MAP4K4: variants seen among roughly 807,000 people sequenced by gnomAD.
MAP4K4 encodes HPK/GCK-like kinase HGK.
A neutral mutation model predicts 189.6 loss-of-function variants in MAP4K4; 38 were observed. That is an observed-to-expected ratio of 0.20 (90% CI 0.15 to 0.26). MAP4K4 has a LOEUF of 0.26. Ranked by LOEUF, MAP4K4 falls within the 10% of genes least tolerant of loss-of-function variation. MAP4K4 has a pLI of 1.00. For synonymous variants in MAP4K4, 610 were observed against 624.3 expected (o/e 0.98, Z 0.34); for missense variants, 1,054 against 1,726.9 (o/e 0.61, Z 6.91).
chr2:101,761,705 G>A (rs895547155), intron 2 of MAP4K4, among the ~76,000 whole-genome samples: 15 of 152,006 alleles, frequency 9.9e-5, no homozygotes, highest in South Asian at 4.2e-4. Flanking sequence ...ACAGGTGCAC[G>A]CCACCACACC....
At chr2:101,891,138 C>T (rs751435798) in intron 32 of MAP4K4, 28 bp from the exon 33 acceptor site, 49 of 1,579,020 alleles carry the variant, frequency 3.1e-5, no homozygotes, top group Middle Eastern at 1.7e-4. Flanking sequence ...CCATGGTAAC[C>T]ATTCCCTCTC....
At chr2:101,890,904 G>T (rs1431160787) in intron 32 of MAP4K4, among the ~76,000 whole-genome samples, 4 of 152,024 alleles carry the variant, frequency 2.6e-5, no homozygotes, top group Non-Finnish European at 4.4e-5. Context: ...GGGATTACAG[G>T]TGTGTGCCAC....
At chr2:101,800,893 A>G (rs976864834) in intron 3 of MAP4K4, among the ~76,000 whole-genome samples, 3 of 152,216 alleles carry the variant, frequency 2.0e-5, no homozygotes, top group African/African-American at 4.8e-5. Flanking sequence ...GTTAATGAGC[A>G]TTCTTCAAGC....
At chr2:101,808,876 A>G (rs1036176465) in intron 3 of MAP4K4, among the ~76,000 whole-genome samples, 1 of 151,996 alleles carries the variant, frequency 6.6e-6, no homozygotes, top group Non-Finnish European at 1.5e-5. Context: ...TAATGTACTC[A>G]TCTAGAAAAC....
intron 2 of MAP4K4, among the ~76,000 whole-genome samples, chr2:101,765,672 C>G (rs2078331630): frequency 6.6e-6 from 1 of 151,990 alleles, no homozygotes; most frequent in African/African-American, 2.4e-5. Flanking sequence ...TGAAATGATT[C>G]AATGAGGAAA....
intron 12 of MAP4K4, among the ~76,000 whole-genome samples, chr2:101,852,816 C>T (rs1308964769): frequency 6.6e-6 from 1 of 151,998 alleles, no homozygotes; most frequent in Non-Finnish European, 1.5e-5. Context: ...ATATATGCTA[C>T]CTGGGAAAAG....
chr2:101,856,248 CACAT>C, intron 13 of MAP4K4, 110 bp downstream of exon 13: 2 of 955,346 alleles, frequency 2.1e-6, no homozygotes, highest in Non-Finnish European at 3.1e-6. Flanking sequence ...CACATGTACA[CACAT>C]ACACATATAC....
intron 31 of MAP4K4, among the ~76,000 whole-genome samples, 170 bp downstream of exon 31, chr2:101,888,107 T>C (rs1274950898): frequency 6.6e-6 from 1 of 152,242 alleles, no homozygotes; most frequent in Non-Finnish European, 1.5e-5. Flanking sequence ...GAAATAGTCA[T>C]AGGTCTATTT....
chr2:101,754,227 C>G (rs2070917739), intron 2 of MAP4K4, among the ~76,000 whole-genome samples: 1 of 151,646 alleles, frequency 6.6e-6, no homozygotes, highest in South Asian at 2.1e-4. Context: ...GTTTTCATGT[C>G]TTCATAGTGC....
intron 2 of MAP4K4, among the ~76,000 whole-genome samples, chr2:101,745,838 T>C (rs1317523150): frequency 6.6e-6 from 1 of 151,236 alleles, no homozygotes; most frequent in East Asian, 1.9e-4. Flanking sequence ...GTTTGTTGCC[T>C]ACTTTTTTTT....
At chr2:101,709,198 G>T (rs1281106150) in intron 2 of MAP4K4, among the ~76,000 whole-genome samples, 1 of 151,890 alleles carries the variant, frequency 6.6e-6, no homozygotes, top group African/African-American at 2.4e-5. Flanking sequence ...AGTCATTACT[G>T]TGAGTTTATT....
chr2:101,728,888 A>G (rs953260711), intron 2 of MAP4K4, among the ~76,000 whole-genome samples: 2 of 152,212 alleles, frequency 1.3e-5, no homozygotes, highest in African/African-American at 4.8e-5. Context: ...ATCTTGTAGT[A>G]TGTGAGAGAA....
intron 2 of MAP4K4, among the ~76,000 whole-genome samples, chr2:101,701,039 A>G (rs937806748): frequency 2.6e-5 from 4 of 152,218 alleles, no homozygotes; most frequent in African/African-American, 9.6e-5. Context: ...TTTAGGATGA[A>G]TAGCATTAAA....
At chr2:101,756,464 C>T (rs1353595769) in intron 2 of MAP4K4, among the ~76,000 whole-genome samples, 1 of 152,164 alleles carries the variant, frequency 6.6e-6, no homozygotes, top group Non-Finnish European at 1.5e-5. Flanking sequence ...TATGGAAGGT[C>T]AGAGGTGCAT....
intron 3 of MAP4K4, among the ~76,000 whole-genome samples, chr2:101,808,966 A>G (rs1382400360): frequency 6.6e-6 from 1 of 152,146 alleles, no homozygotes; most frequent in Non-Finnish European, 1.5e-5. Context: ...GAGTAAAGCT[A>G]TTTCTTATGG....
intron 3 of MAP4K4, among the ~76,000 whole-genome samples, chr2:101,813,060 C>T (rs568223983): frequency 3.9e-5 from 6 of 152,144 alleles, no homozygotes; most frequent in Admixed American, 2.0e-4. Flanking sequence ...ACCCAGGAGG[C>T]GGAGCTTGCA....
chr2:101,797,226 C>G, intron 3 of MAP4K4: 1 of 1,289,260 alleles, frequency 7.8e-7, no homozygotes, highest in South Asian at 1.2e-5. Flanking sequence ...CCTGTGGGAC[C>G]TATTGTTCTA....
chr2:101,794,052 C>A (rs17811290), intron 3 of MAP4K4, among the ~76,000 whole-genome samples: 18,042 of 152,094 alleles, frequency 0.12, 1,369 homozygotes, highest in South Asian at 0.18. Context: ...AATTGACTAT[C>A]CTTAGGATTT....
At chr2:101,781,438 C>G (rs982224217) in intron 2 of MAP4K4, among the ~76,000 whole-genome samples, 1 of 152,118 alleles carries the variant, frequency 6.6e-6, no homozygotes, top group African/African-American at 2.4e-5. Context: ...TTTATTGGCT[C>G]ATGACTCTGG....
Sources: allele counts gnomAD v4.1 joint callset (sites outside exome capture counted in the v4.1 genomes callset), GRCh38; gene constraint gnomAD v4.1.1; transcripts MANE v1.5; gene names NCBI Gene and HGNC (gene_info 2026-07-23, HGNC 2026-07-21).